STS: variants seen among roughly 807,000 people sequenced by gnomAD.
STS encodes steryl-sulfatase.
Under a neutral mutation model 26.8 loss-of-function variants are expected in STS, and 7 were observed. The ratio of observed to expected loss-of-function variants is 0.26; its 90% CI spans 0.15 to 0.49. The LOEUF (loss-of-function observed/expected upper bound fraction) is 0.49, where lower values mean the gene tolerates loss of function less well. Ranked by LOEUF, STS falls within the 20% of genes least tolerant of loss-of-function variation. The pLI, the probability that STS is intolerant of heterozygous loss-of-function variation, is 0.98. For missense variants in STS, 434 were observed against 465.6 expected, an observed-to-expected ratio of 0.93 and a Z score of 0.63; for synonymous variants, 199 against 189.4, an observed-to-expected ratio of 1.05 and a Z score of -0.42.
At position 7,259,412 on chromosome X, in the gene STS, A is replaced by T; in HGVS notation, c.446A>T (p.His149Leu). Reference sequence around the variant, plus strand: ...GACTTCTGTCACCACCCTTTACATCACGGCTTCAATTATTTCTATGGGATC... The same window carrying T: ...GACTTCTGTCACCACCCTTTACATCTCGGCTTCAATTATTTCTATGGGATC... ...KTDFCHHPLH[H>L]GFNYFYGISL... The change falls in exon 6 of 11, where the codon CAC becomes CTC. Residue 149 changes from histidine (H) to leucine (L), a missense_variant. Transcript: ENST00000674429. 1 of 1,211,182 alleles carries T rather than the reference A, an allele frequency of 8.3e-7. No individual in the cohort carries two copies. The highest frequency in any genetic ancestry group is 1.1e-6 in the Non-Finnish European group (1 of 895,267).
chrX:7,304,611 G>A (rs1392688143), intron 7 of STS, among the ~76,000 whole-genome samples: 1 of 111,921 alleles, frequency 8.9e-6, no homozygotes, highest in Non-Finnish European at 1.9e-5. Context: ...TCACATAAGA[G>A]GAACATCACT....
intron 8 of STS, among the ~76,000 whole-genome samples, chrX:7,323,654 C>T (rs891831741): frequency 1.8e-5 from 2 of 111,846 alleles, no homozygotes; most frequent in South Asian, 3.8e-4. Context: ...TTCATGTCTG[C>T]TATTGTGAAT....
chrX:7,275,431 T>C (rs1340955608), intron 6 of STS, among the ~76,000 whole-genome samples: 2 of 111,675 alleles, frequency 1.8e-5, no homozygotes, highest in African/African-American at 6.5e-5. Flanking sequence ...TTTGTATATA[T>C]CAAATGATAC....
At chrX:7,148,297 G>A (rs1676235193) in intron 1 of STS, 1 of 270,588 alleles carries the variant, frequency 3.7e-6, no homozygotes, top group Non-Finnish European at 6.6e-6. Flanking sequence ...CCGCGCACGC[G>A]CACCTTGGGC....
intron 2 of STS, among the ~76,000 whole-genome samples, chrX:7,215,130 C>G (rs1367901990): frequency 9.8e-5 from 8 of 81,915 alleles, no homozygotes; most frequent in African/African-American, 3.8e-4. Context: ...CACACACACA[C>G]ACACACACAT....
chrX:7,205,176 G>C (rs764354120), intron 2 of STS, among the ~76,000 whole-genome samples: 9 of 112,526 alleles, frequency 8.0e-5, no homozygotes, highest in Non-Finnish European at 1.7e-4. Flanking sequence ...GCACAGGAAA[G>C]CTCTTAGCAG....
intron 7 of STS, among the ~76,000 whole-genome samples, chrX:7,288,565 T>C (rs1925252470): frequency 9.0e-6 from 1 of 110,824 alleles, no homozygotes; most frequent in African/African-American, 3.3e-5. Context: ...ACCCTTTCCC[T>C]TGTATTTTCA....
At chrX:7,238,604 G>A (rs1167271048) in intron 2 of STS, among the ~76,000 whole-genome samples, 2 of 111,085 alleles carry the variant, frequency 1.8e-5, no homozygotes, top group Non-Finnish European at 3.8e-5. Flanking sequence ...CAAGGTGGGA[G>A]GATTCCATGA....
chrX:7,276,090 A>G lies in STS; in HGVS notation c.943+3A>G. ...TGAGGAAATGGACTGGAGTGTGGGT[A>G]CGTTTCTCCTCAGTGAGTGCTTAGA... On this transcript the variant is annotated splice_donor_region_variant and intron_variant, in intron 7 of 10. Coordinates refer to ENST00000674429, the MANE Select transcript of STS (RefSeq NM_001320752.2). 6 of 1,208,861 alleles carry G rather than the reference A, an allele frequency of 5.0e-6. No homozygotes were observed. Among genetic ancestry groups the G allele is most frequent in the Non-Finnish European group, 6.7e-6 (6 of 894,080 alleles).
intron 6 of STS, among the ~76,000 whole-genome samples, chrX:7,262,331 C>T (rs759776618): frequency 1.8e-5 from 2 of 111,192 alleles, no homozygotes; most frequent in African/African-American, 6.6e-5. Flanking sequence ...TTCCCAGTAG[C>T]GTCCACAGGA....
chrX:7,327,814 G>C (rs1328584603), intron 9 of STS, among the ~76,000 whole-genome samples: 6 of 111,830 alleles, frequency 5.4e-5, no homozygotes, highest in Non-Finnish European at 9.4e-5. Context: ...AAACCTCCTT[G>C]CCTGTAATGT....
intron 2 of STS, among the ~76,000 whole-genome samples, chrX:7,249,297 A>C (rs1229872137): frequency 9.0e-6 from 1 of 111,175 alleles, no homozygotes; most frequent in Non-Finnish European, 1.9e-5. Context: ...TCTACATGGA[A>C]TATTAGGAGC....
intron 10 of STS, among the ~76,000 whole-genome samples, chrX:7,342,014 G>C (rs1228279482): frequency 9.0e-6 from 1 of 110,548 alleles, no homozygotes. Flanking sequence ...GTTTCACCAT[G>C]TTGGCCAGGC....
Position 7,305,178 on chromosome X carries a change from A to G in STS, c.1076A>G (p.Tyr359Cys). The change falls in exon 8 of 11, where the codon TAT becomes TGT. Residue 359 changes from tyrosine (Y) to cysteine (C), a missense_variant. Around this residue, in one of 2 missense-constraint regions of STS, gnomAD observed 229 missense variants for 288.3 expected, o/e 0.79. Coordinates refer to ENST00000674429, the MANE Select transcript of STS (RefSeq NM_001320752.2). ...ATTCATGGCGGAAGTAATGGGATCT[A>G]TAAAGGTGAGAAATGCTGGGATGGA... ...GEIHGGSNGI[Y>C]KGGKANNWEG... 1 of 1,210,457 alleles carries G rather than the reference A, an allele frequency of 8.3e-7. No homozygotes were observed. Among genetic ancestry groups the G allele is most frequent in the South Asian group, 1.8e-5 (1 of 56,962 alleles).
chrX:7,190,016 T>G (rs1933843950), intron 1 of STS, among the ~76,000 whole-genome samples: 1 of 110,911 alleles, frequency 9.0e-6, no homozygotes, highest in Admixed American at 9.7e-5. Context: ...TGAGGGACCA[T>G]TTTTGTGGAA....
At position 7,259,429 on chromosome X, in the gene STS, T is replaced by C; in HGVS notation, c.463T>C (p.Tyr155His). ...TTTACATCACGGCTTCAATTATTTC[T>C]ATGGGATCTCTTTGACCAATCTGAG... ...HPLHHGFNYFYGISLTNLRDC... is the reference protein window; with the variant it reads ...HPLHHGFNYFHGISLTNLRDC... The change falls in exon 6 of 11, where the codon TAT becomes CAT. Residue 155 changes from tyrosine to histidine, a missense_variant. Physicochemically the swap from Tyr to His is moderately conservative, Grantham distance 83. Coordinates refer to ENST00000674429, the MANE Select transcript of STS (RefSeq NM_001320752.2). 1 of 1,211,391 alleles carries C rather than the reference T, an allele frequency of 8.3e-7. No homozygotes were observed. The highest frequency in any genetic ancestry group is 1.1e-6 in the Non-Finnish European group (1 of 895,332).
intron 2 of STS, among the ~76,000 whole-genome samples, chrX:7,204,216 T>C (rs769350309): frequency 2.0e-4 from 22 of 111,904 alleles, no homozygotes; most frequent in Non-Finnish European, 3.2e-4. Context: ...TATTCTAGTG[T>C]TTAATTTATT....
intron 6 of STS, among the ~76,000 whole-genome samples, chrX:7,274,042 G>T (rs1251513807): frequency 2.7e-5 from 3 of 111,192 alleles, no homozygotes; most frequent in African/African-American, 9.8e-5. Flanking sequence ...AGGTTGAGAG[G>T]TGATGATGTG....
chrX:7,301,764 C>G (rs1225183540), intron 7 of STS, among the ~76,000 whole-genome samples: 1 of 111,933 alleles, frequency 8.9e-6, no homozygotes, highest in Non-Finnish European at 1.9e-5. Flanking sequence ...TTTAAGGTCT[C>G]TATAGCTTTG....
Sources: allele counts gnomAD v4.1 joint callset (sites outside exome capture counted in the v4.1 genomes callset), GRCh38; gene constraint gnomAD v4.1.1; regional missense constraint gnomAD v4.1.1; transcripts MANE v1.5; gene names NCBI Gene and HGNC (gene_info 2026-07-23, HGNC 2026-07-21).